NOX4: variants seen among roughly 807,000 people sequenced by gnomAD.
The protein encoded by NOX4 is NADPH oxidase 4, also known as kidney oxidase-1.
Under a neutral mutation model 87.6 loss-of-function variants are expected in NOX4, and 69 were observed. The ratio of observed to expected loss-of-function variants is 0.79; its 90% CI spans 0.65 to 0.96. The LOEUF (loss-of-function observed/expected upper bound fraction) is 0.96. Among genes scored for constraint, NOX4 ranks in the 40% least tolerant of loss-of-function variants. NOX4 has a pLI of 0.00. For synonymous variants in NOX4, 275 were observed against 238.2 expected (o/e 1.15, Z -1.42); for missense variants, 680 against 681.5 (o/e 1.00, Z 0.02).
chr11:89,575,751 CCTT>C, the NOX4 span, among the ~76,000 whole-genome samples: 12 of 152,108 alleles, frequency 7.9e-5, no homozygotes, highest in South Asian at 8.3e-4. Flanking sequence ...CTCTCTTCCT[CCTT>C]CTTCTTTCTT....
intron 12 of NOX4, among the ~76,000 whole-genome samples, chr11:89,356,783 A>G (rs945094230): frequency 2.6e-5 from 4 of 152,170 alleles, no homozygotes; most frequent in Non-Finnish European, 5.9e-5. Context: ...TCTGATACAT[A>G]ATTAAGGTGC....
chr11:89,400,972 A>C (rs1941816031), intron 9 of NOX4, among the ~76,000 whole-genome samples: 1 of 152,064 alleles, frequency 6.6e-6, no homozygotes, highest in Non-Finnish European at 1.5e-5. Context: ...TATAATTTGG[A>C]AACCATGACA....
rs1378647672 is a variant in NOX4 at position 89,325,919 on chromosome 11, G to A, written c.*837C>T. The A allele has an allele frequency of 2.0e-5, 3 of 147,900 alleles. No homozygotes were observed. The East Asian group carries it at 5.9e-4, about 29-fold the overall frequency. The allele number at this position is 147,900 out of a possible 1,614,324, so 9.2% of individuals were successfully genotyped here. ...TATATATATATATATATGTGTGTGT[G>A]TGTGTATATATATATGTGTATATAC... On this transcript the variant is annotated 3_prime_UTR_variant, in exon 18 of 18. Transcript: ENST00000263317.
intron 6 of NOX4, among the ~76,000 whole-genome samples, chr11:89,434,964 T>C (rs1191614021): frequency 2.0e-5 from 3 of 151,878 alleles, no homozygotes; most frequent in Non-Finnish European, 4.4e-5. Flanking sequence ...CTAGGAGGGG[T>C]AGAGGGCAAG....
intron 12 of NOX4, among the ~76,000 whole-genome samples, chr11:89,365,988 T>C (rs773571507): frequency 6.6e-5 from 10 of 152,094 alleles, no homozygotes; most frequent in Non-Finnish European, 1.3e-4. Context: ...TTAGCAAGTG[T>C]ATCAAGAAAA....
chr11:89,384,221 T>C (rs751358033), intron 11 of NOX4, among the ~76,000 whole-genome samples: 4 of 152,100 alleles, frequency 2.6e-5, no homozygotes, highest in Non-Finnish European at 5.9e-5. Flanking sequence ...CTACAACCCA[T>C]TATTCTGTTT....
At chr11:89,528,440 A>T in the NOX4 span, among the ~76,000 whole-genome samples, 1 of 152,090 alleles carries the variant, frequency 6.6e-6, no homozygotes, top group South Asian at 2.1e-4. Flanking sequence ...TATGGTTCAG[A>T]TTTGTGTCCC....
intron 2 of NOX4, among the ~76,000 whole-genome samples, chr11:89,477,957 T>C (rs1324595421): frequency 2.0e-5 from 3 of 152,214 alleles, no homozygotes; most frequent in Non-Finnish European, 2.9e-5. Context: ...AACTAGAAGG[T>C]ATTTTCTCTT....
At chr11:89,404,827 A>G (rs1364621467) in intron 8 of NOX4, among the ~76,000 whole-genome samples, 1 of 152,164 alleles carries the variant, frequency 6.6e-6, no homozygotes, top group African/African-American at 2.4e-5. Flanking sequence ...GTATCATATC[A>G]GTAATTTTTA....
At chr11:89,351,123 A>G (rs1946437599) in intron 13 of NOX4, among the ~76,000 whole-genome samples, 1 of 152,242 alleles carries the variant, frequency 6.6e-6, no homozygotes, top group African/African-American at 2.4e-5. Flanking sequence ...CATATGAATA[A>G]TAAGAAAGCA....
At chr11:89,488,442 T>C (rs1188745546) in intron 2 of NOX4, among the ~76,000 whole-genome samples, 5 of 152,176 alleles carry the variant, frequency 3.3e-5, no homozygotes, top group African/African-American at 1.2e-4. Flanking sequence ...TCTGTGCATA[T>C]GTGATCTTAA....
chr11:89,388,717 C>T (rs1388721805), intron 11 of NOX4, among the ~76,000 whole-genome samples: 1 of 152,154 alleles, frequency 6.6e-6, no homozygotes. Context: ...CAGTTCCCCT[C>T]AAATGACTGT....
chr11:89,466,649 C>T (rs1442643184), intron 2 of NOX4, among the ~76,000 whole-genome samples: 1 of 152,266 alleles, frequency 6.6e-6, no homozygotes, highest in African/African-American at 2.4e-5. Context: ...ACATAAAATT[C>T]CCTTTCCCTT....
chr11:89,492,027 A>G (rs190387137), upstream of NOX4: 16 of 152,306 alleles, frequency 1.1e-4, no homozygotes, highest in Admixed American at 3.3e-4. Context: ...TTACTGAATA[A>G]GAAGAACCCA....
chr11:89,574,083 G>T, the NOX4 span, among the ~76,000 whole-genome samples: 1 of 152,148 alleles, frequency 6.6e-6, no homozygotes, highest in African/African-American at 2.4e-5. Context: ...TAAGGAGGTT[G>T]TCTCTCCCTG....
At chr11:89,501,176 A>C (rs980008628), upstream of NOX4, among the ~76,000 whole-genome samples, 2 of 152,058 alleles carry the variant, frequency 1.3e-5, no homozygotes, top group Admixed American at 1.3e-4. Flanking sequence ...GTTAGGCAAG[A>C]AGTGGCCCAT....
At chr11:89,411,677 T>C (rs572022862) in intron 8 of NOX4, among the ~76,000 whole-genome samples, 95 of 151,082 alleles carry the variant, frequency 6.3e-4, no homozygotes, top group African/African-American at 2.2e-3. Context: ...ACATAAAAAA[T>C]AGAAAAAGAA....
At chr11:89,589,014 A>G in the NOX4 span, among the ~76,000 whole-genome samples, 6 of 152,318 alleles carry the variant, frequency 3.9e-5, no homozygotes, top group African/African-American at 1.4e-4. Flanking sequence ...TAAGAAATAC[A>G]TATAATTAAC....
intron 17 of NOX4, among the ~76,000 whole-genome samples, chr11:89,331,635 G>A (rs537234499): frequency 6.6e-6 from 1 of 151,540 alleles, no homozygotes; most frequent in African/African-American, 2.4e-5. Flanking sequence ...TTCTTGCTTG[G>A]CTTTGACAGG....
Sources: allele counts gnomAD v4.1 joint callset (sites outside exome capture counted in the v4.1 genomes callset), GRCh38; gene constraint gnomAD v4.1.1; transcripts MANE v1.5; gene names NCBI Gene and HGNC (gene_info 2026-07-23, HGNC 2026-07-21).